RBFOX2: variants seen among roughly 807,000 people sequenced by gnomAD.
RBFOX2 encodes RNA binding fox-1 homolog 2.
Under a neutral mutation model 49.1 loss-of-function variants are expected in RBFOX2, and 10 were observed. That is an observed-to-expected ratio of 0.20 (90% CI 0.13 to 0.35). The LOEUF is 0.35. RBFOX2 is among the 10% of genes least tolerant of loss of function. The probability of loss-of-function intolerance (pLI) is 1.00; values close to 1 mark genes in which losing one functional copy is unlikely to be tolerated. For missense variants in RBFOX2, 323 were observed against 486.9 expected (o/e 0.66, Z 3.17); for synonymous variants, 183 against 187.4 (o/e 0.98, Z 0.19).
intron 1 of RBFOX2, among the ~76,000 whole-genome samples, chr22:35,930,155 G>A (rs557340386): frequency 6.6e-6 from 1 of 151,630 alleles, no homozygotes; most frequent in South Asian, 2.1e-4. Flanking sequence ...CAAGTAGCTG[G>A]GATTACAGGC....
At chr22:35,918,871 T>C (rs2050716268) in intron 1 of RBFOX2, among the ~76,000 whole-genome samples, 1 of 152,202 alleles carries the variant, frequency 6.6e-6, no homozygotes, top group South Asian at 2.1e-4. Flanking sequence ...CCTGATAGCC[T>C]TGGTTTTCAT....
At chr22:36,018,544 CAA>C (rs1011067211) in intron 1 of RBFOX2, among the ~76,000 whole-genome samples, 21 of 152,290 alleles carry the variant, frequency 1.4e-4, no homozygotes, top group African/African-American at 4.6e-4. Context: ...TCAGGCCAAA[CAA>C]GAGAACAGAC....
At chr22:35,987,426 C>A (rs1181359148) in intron 1 of RBFOX2, among the ~76,000 whole-genome samples, 3 of 152,150 alleles carry the variant, frequency 2.0e-5, no homozygotes, top group African/African-American at 4.8e-5. Context: ...CATTTAAAAA[C>A]CATTTTAAAA....
At chr22:36,015,464 C>T (rs1308393795) in intron 1 of RBFOX2, among the ~76,000 whole-genome samples, 1 of 152,210 alleles carries the variant, frequency 6.6e-6, no homozygotes, top group Non-Finnish European at 1.5e-5. Flanking sequence ...CCCACTGTGC[C>T]AGCCACTAAC....
intron 1 of RBFOX2, among the ~76,000 whole-genome samples, chr22:36,018,758 C>T (rs2059137771): frequency 6.6e-6 from 1 of 152,218 alleles, no homozygotes; most frequent in African/African-American, 2.4e-5. Context: ...GGATTACAGG[C>T]ATGCGCCACC....
chr22:35,858,332 A>G (rs2042730506), intron 1 of RBFOX2, among the ~76,000 whole-genome samples: 1 of 152,192 alleles, frequency 6.6e-6, no homozygotes, highest in South Asian at 2.1e-4. Context: ...CCATTTCAAA[A>G]TGCCCAAATC....
At chr22:35,980,124 G>T (rs991849910) in intron 1 of RBFOX2, among the ~76,000 whole-genome samples, 2 of 152,004 alleles carry the variant, frequency 1.3e-5, no homozygotes, top group Non-Finnish European at 2.9e-5. Flanking sequence ...CCTATTAAAA[G>T]ATAACATTTG....
At chr22:35,952,954 G>A (rs533083999) in intron 1 of RBFOX2, among the ~76,000 whole-genome samples, 5 of 152,198 alleles carry the variant, frequency 3.3e-5, no homozygotes, top group African/African-American at 4.8e-5. Context: ...GCTCACACCT[G>A]TAATCCCAGA....
intron 1 of RBFOX2, among the ~76,000 whole-genome samples, chr22:35,895,289 GC>G (rs1415038177): frequency 3.3e-5 from 5 of 152,156 alleles, no homozygotes; most frequent in Non-Finnish European, 7.4e-5. Flanking sequence ...AGTTTCTAGT[GC>G]TAGATATACA....
intron 1 of RBFOX2, among the ~76,000 whole-genome samples, chr22:35,909,248 A>C (rs4821453): frequency 0.13 from 19,187 of 152,210 alleles, 1,409 homozygotes; most frequent in Middle Eastern, 0.27. Context: ...GCTTGGGGCC[A>C]GGAATTTGAG....
At chr22:35,893,847 G>A (rs1034114725) in intron 1 of RBFOX2, among the ~76,000 whole-genome samples, 2 of 151,860 alleles carry the variant, frequency 1.3e-5, no homozygotes, top group African/African-American at 4.8e-5. Context: ...AGACATCTGG[G>A]CTGAAGGGCA....
At chr22:35,746,424 TG>T in intron 10 of RBFOX2, 48 bp downstream of exon 12, 1 of 1,422,034 alleles carries the variant, frequency 7.0e-7, no homozygotes. Context: ...CATTTTGGGA[TG>T]GAACAGCTCT....
At chr22:35,936,793 T>A (rs1569500606) in intron 1 of RBFOX2, among the ~76,000 whole-genome samples, 1 of 152,208 alleles carries the variant, frequency 6.6e-6, no homozygotes, top group African/African-American at 2.4e-5. Flanking sequence ...TAGGCTTTAA[T>A]AAATTCCTAT....
chr22:35,762,798 G>A (rs1012740320), intron 6 of RBFOX2, among the ~76,000 whole-genome samples: 12 of 152,186 alleles, frequency 7.9e-5, no homozygotes, highest in Admixed American at 2.0e-4. Context: ...GAGCCACTGC[G>A]TCCAGCCACA....
rs556358984 is a variant in RBFOX2 at position 35,812,151 on chromosome 22, T to C, written c.28-2147A>G. ...TGCCAAATGCCTTTAATCTCAGATA[T>C]CTTGGAAGCTGAGGCAGGAGAATCG... On this transcript the variant is annotated intron_variant, in intron 1 of 11. Transcript: ENST00000405409. 1.2e-4 allele frequency among the ~76,000 whole-genome samples: 18 copies of C among 151,696 alleles called. No individual in the cohort carries two copies. The South Asian group carries it at 2.5e-3, about 21-fold the overall frequency.
In RBFOX2 at chr22:35,828,376, G is replaced by C. The variant is rs73413819; in HGVS notation, c.27+11816C>G. Reference sequence around the variant, plus strand: ...GCTGCAGCAGAGAAGGAAGGACCCAGGCAGAACCTGGTGGGTTCCATGAAT... The same window carrying C: ...GCTGCAGCAGAGAAGGAAGGACCCACGCAGAACCTGGTGGGTTCCATGAAT... On this transcript the variant is annotated intron_variant, in intron 1 of 11. Transcript: ENST00000405409. 4.1e-3 allele frequency among the ~76,000 whole-genome samples: 629 copies of C among 152,264 alleles called. 10 individuals are homozygous for C. The highest frequency in any genetic ancestry group is 0.013 in the African/African-American group (560 of 41,550).
rs141003135 is a variant in RBFOX2, at chr22:35,872,931, T to A, written c.-33-62927A>T. ...AGTGGAGCCCTAGCCAGGGGTCACC[T>A]TTCTCTATCCAGCACTTCCCTGACC... is the stretch of plus-strand genomic sequence containing the variant. On this transcript the variant is annotated intron_variant, in intron 1 of 13. Coordinates refer to the RBFOX2 transcript ENST00000359369. Among the ~76,000 whole-genome samples, 16 of 152,266 alleles carry A rather than the reference T, an allele frequency of 1.1e-4. No individual in the cohort carries two copies. In the East Asian group the frequency reaches 2.9e-3, roughly 28 times the overall value.
intron 1 of RBFOX2, among the ~76,000 whole-genome samples, chr22:35,945,999 C>T (rs181167271): frequency 1.3e-5 from 2 of 151,974 alleles, no homozygotes; most frequent in African/African-American, 4.8e-5. Flanking sequence ...CCGCTCCCCC[C>T]TTTTTTTTAA....
At chr22:35,970,605 G>A (rs546900934) in intron 1 of RBFOX2, among the ~76,000 whole-genome samples, 1 of 152,198 alleles carries the variant, frequency 6.6e-6, no homozygotes, top group East Asian at 1.9e-4. Flanking sequence ...GGACTGCAGT[G>A]AGCCATGATT....
Sources: allele counts gnomAD v4.1 joint callset (sites outside exome capture counted in the v4.1 genomes callset), GRCh38; gene constraint gnomAD v4.1.1; transcripts MANE v1.5; gene names NCBI Gene and HGNC (gene_info 2026-07-23, HGNC 2026-07-21).